The following NRG3 variants were observed in gnomAD, a reference collection of about 807,000 sequenced individuals.
NRG3 encodes the protein neuregulin 3.
In NRG3, 31 loss-of-function variants were observed where a neutral mutation model predicts 66.9. The ratio of observed to expected loss-of-function variants is 0.46; its 90% confidence interval spans 0.35 to 0.63. The LOEUF is 0.63. Among genes scored for constraint, NRG3 ranks in the 20% least tolerant of loss-of-function variants. The pLI, the probability that NRG3 is intolerant of heterozygous loss-of-function variation, is 0.00. For missense variants in NRG3, 910 were observed against 878.9 expected (o/e 1.04, Z -0.45); for synonymous variants, 393 against 359.4 (o/e 1.09, Z -1.06).
chr10:82,663,272 T>A (rs1259972762), intron 2 of NRG3, among the ~76,000 whole-genome samples: 2 of 152,098 alleles, frequency 1.3e-5, no homozygotes, highest in Non-Finnish European at 2.9e-5. Flanking sequence ...ACAGCTTGAG[T>A]CTAAGCAGGG....
At chr10:82,550,043 C>T (rs192193578) in intron 2 of NRG3, among the ~76,000 whole-genome samples, 2 of 151,970 alleles carry the variant, frequency 1.3e-5, no homozygotes, top group Admixed American at 1.3e-4. Flanking sequence ...AAGAAATTTC[C>T]CAAGAGATGA....
intron 3 of NRG3, among the ~76,000 whole-genome samples, chr10:82,858,412 C>T (rs1048851316): frequency 3.3e-5 from 5 of 152,082 alleles, no homozygotes; most frequent in Admixed American, 3.3e-4. Flanking sequence ...AGCATCTTGT[C>T]CATACTCTTA....
intron 8 of NRG3, chr10:82,984,668 G>C: frequency 9.3e-7 from 1 of 1,071,024 alleles, no homozygotes; most frequent in African/African-American, 1.6e-5. Context: ...GACTAACCCA[G>C]GGCTGAGAGG....
intron 1 of NRG3, among the ~76,000 whole-genome samples, chr10:81,988,540 T>C (rs745326706): frequency 7.2e-5 from 11 of 152,070 alleles, no homozygotes; most frequent in Non-Finnish European, 1.3e-4. Context: ...TTAAATGCAG[T>C]GAGAGAAATG....
At chr10:82,131,127 T>C (rs2068788926) in intron 1 of NRG3, among the ~76,000 whole-genome samples, 1 of 152,198 alleles carries the variant, frequency 6.6e-6, no homozygotes, top group Admixed American at 6.6e-5. Flanking sequence ...CTGACAAATA[T>C]CCTAGAAAGT....
intron 1 of NRG3, among the ~76,000 whole-genome samples, chr10:82,110,360 G>A (rs889472926): frequency 2.0e-5 from 3 of 152,246 alleles, no homozygotes; most frequent in Middle Eastern, 3.4e-3. Flanking sequence ...AGACCAGATT[G>A]TATAAAATGT....
At chr10:82,480,463 A>G (rs1201177211) in intron 2 of NRG3, among the ~76,000 whole-genome samples, 1 of 152,174 alleles carries the variant, frequency 6.6e-6, no homozygotes, top group Non-Finnish European at 1.5e-5. Context: ...AAAAAGAAAC[A>G]TTATTTGTGC....
At chr10:82,153,410 A>ATT (rs1448213508) in intron 1 of NRG3, among the ~76,000 whole-genome samples, 4 of 70,264 alleles carry the variant, frequency 5.7e-5, no homozygotes, top group African/African-American at 2.3e-4. Flanking sequence ...ATAGTATTCC[A>ATT]TTGTGTGTGT....
At chr10:82,219,550 T>A (rs1439130098) in intron 1 of NRG3, among the ~76,000 whole-genome samples, 1 of 152,148 alleles carries the variant, frequency 6.6e-6, no homozygotes, top group African/African-American at 2.4e-5. Context: ...CAATATATAT[T>A]TGTTAATTCT....
At chr10:82,303,358 C>T (rs909522970) in intron 1 of NRG3, among the ~76,000 whole-genome samples, 11 of 151,642 alleles carry the variant, frequency 7.3e-5, no homozygotes, top group East Asian at 1.9e-4. Flanking sequence ...CACACACACA[C>T]GGAAGGACAC....
intron 2 of NRG3, among the ~76,000 whole-genome samples, chr10:82,670,457 A>G (rs927535821): frequency 1.3e-5 from 2 of 152,124 alleles, no homozygotes; most frequent in Non-Finnish European, 1.5e-5. Context: ...ATTCAGTCCT[A>G]TATCATTTTT....
intron 1 of NRG3, among the ~76,000 whole-genome samples, chr10:82,100,124 T>C (rs1237956506): frequency 6.6e-6 from 1 of 152,094 alleles, no homozygotes; most frequent in Non-Finnish European, 1.5e-5. Flanking sequence ...TTTGCACATT[T>C]TTTATTTGAT....
chr10:82,144,232 G>C (rs1264516246), intron 1 of NRG3, among the ~76,000 whole-genome samples: 1 of 152,096 alleles, frequency 6.6e-6, no homozygotes, highest in Non-Finnish European at 1.5e-5. Context: ...CTACTATGTG[G>C]TTGATTTAAG....
At chr10:82,862,242 G>T (rs1424003821) in intron 3 of NRG3, among the ~76,000 whole-genome samples, 2 of 152,110 alleles carry the variant, frequency 1.3e-5, no homozygotes, top group Non-Finnish European at 2.9e-5. Flanking sequence ...TTGGGGAAGA[G>T]AACAAAAGTC....
intron 1 of NRG3, among the ~76,000 whole-genome samples, chr10:82,315,024 A>G (rs1224157960): frequency 6.6e-6 from 1 of 152,132 alleles, no homozygotes; most frequent in African/African-American, 2.4e-5. Context: ...TTACCTGTAT[A>G]TTTACCTGAA....
intron 1 of NRG3, among the ~76,000 whole-genome samples, chr10:82,125,062 CA>C (rs1473459732): frequency 6.6e-6 from 1 of 152,012 alleles, no homozygotes; most frequent in Admixed American, 6.6e-5. Flanking sequence ...CTTTTGCTGT[CA>C]AATCGCCTCA....
chr10:82,255,906 T>C (rs1311897335), intron 1 of NRG3, among the ~76,000 whole-genome samples: 3 of 151,834 alleles, frequency 2.0e-5, no homozygotes, highest in Middle Eastern at 3.4e-3. Flanking sequence ...ACCTGGTCAA[T>C]TTTTCAATAA....
chr10:82,001,845 T>A (rs1181908995), intron 1 of NRG3, among the ~76,000 whole-genome samples: 1 of 152,200 alleles, frequency 6.6e-6, no homozygotes, highest in East Asian at 1.9e-4. Flanking sequence ...ATGTAAATGC[T>A]CTCAGGGTAG....
chr10:81,878,002 A>C (rs758891785), intron 1 of NRG3: 112 of 1,537,532 alleles, frequency 7.3e-5, no homozygotes, highest in Non-Finnish European at 8.6e-5. Context: ...GCGTTGGGAG[A>C]GGAGGGGGAC....
Sources: gnomAD v4.1 joint callset for allele counts (sites outside exome capture counted in the v4.1 genomes callset) on GRCh38, gnomAD v4.1.1 for gene constraint, MANE v1.5 for transcripts, NCBI Gene and HGNC (gene_info 2026-07-23, HGNC 2026-07-21) for gene names.